The following ERGIC1 variants were observed in gnomAD, a reference collection of about 807,000 sequenced individuals.
ERGIC1 encodes endoplasmic reticulum-Golgi intermediate compartment protein 1.
A neutral mutation model predicts 38.3 loss-of-function variants in ERGIC1; 19 were observed. The observed-to-expected ratio is 0.50, with a 90% CI of 0.35 to 0.73. The LOEUF is 0.73. Ranked by LOEUF, ERGIC1 falls within the 30% of genes least tolerant of loss-of-function variation. The pLI is 0.01. For synonymous variants in ERGIC1, 124 were observed against 157.6 expected (o/e 0.79, Z 1.60); for missense variants, 294 against 389.2 (o/e 0.76, Z 2.06).
At chr5:172,935,533 G>A in intron 9 of ERGIC1, 1 of 538,330 alleles carries the variant, frequency 1.9e-6, no homozygotes. Flanking sequence ...GTATTTTCCA[G>A]AGGGGAATGC....
At chr5:172,914,659 C>G in intron 4 of ERGIC1, 55 bp from the exon 5 acceptor site, 1 of 1,613,472 alleles carries the variant, frequency 6.2e-7, no homozygotes, top group Non-Finnish European at 8.5e-7. Flanking sequence ...CAGGCTGGCC[C>G]CCATCCTCCC....
chr5:172,920,665 C>A, intron 5 of ERGIC1: 1 of 553,942 alleles, frequency 1.8e-6, no homozygotes, highest in Non-Finnish European at 3.2e-6. Flanking sequence ...GTTCCTGAGT[C>A]ACAGCCTCGC....
intron 3 of ERGIC1, among the ~76,000 whole-genome samples, chr5:172,900,398 A>C (rs997657029): frequency 3.3e-5 from 5 of 151,976 alleles, no homozygotes; most frequent in Admixed American, 3.3e-4. Flanking sequence ...GGAGAGGTAC[A>C]AAGCTTAGGG....
intron 3 of ERGIC1, chr5:172,897,882 A>C (rs1762762533): frequency 2.4e-6 from 1 of 413,814 alleles, no homozygotes; most frequent in Non-Finnish European, 4.4e-6. Flanking sequence ...GCAGTGGCTG[A>C]CGCAGAGTTA....
rs372233882 is a variant in ERGIC1 at position 172,875,057 on chromosome 5, C to T, written c.21-13642C>T. Among the ~76,000 whole-genome samples, 32 of 152,174 alleles carry T rather than the reference C, an allele frequency of 2.1e-4. 1 individual carries two copies. The highest frequency in any genetic ancestry group is 7.0e-4 in the African/African-American group (29 of 41,508). Reference sequence around the variant, plus strand: ...CAAAGGCAGAACCTTCCAGGTAGAACGGTAATTCATTCAAGTTCTCCAGCT... The same window carrying T: ...CAAAGGCAGAACCTTCCAGGTAGAATGGTAATTCATTCAAGTTCTCCAGCT... On this transcript the variant is annotated intron_variant, in intron 1 of 9. Coordinates refer to ENST00000393784, the MANE Select transcript of ERGIC1 (RefSeq NM_001031711.3).
At chr5:172,898,988 C>T (rs1364823793) in intron 3 of ERGIC1, among the ~76,000 whole-genome samples, 1 of 152,100 alleles carries the variant, frequency 6.6e-6, no homozygotes, top group Admixed American at 6.5e-5. Context: ...TGCCAGGCAC[C>T]CACTGGCCTC....
At chr5:172,861,609 GC>G (rs1384965315) in intron 1 of ERGIC1, among the ~76,000 whole-genome samples, 1 of 152,202 alleles carries the variant, frequency 6.6e-6, no homozygotes, top group East Asian at 1.9e-4. Flanking sequence ...AAGACGAAAG[GC>G]ATGTTATTTG....
chr5:172,856,072 G>C (rs953133751), intron 1 of ERGIC1, among the ~76,000 whole-genome samples: 1 of 152,254 alleles, frequency 6.6e-6, no homozygotes. Context: ...TGGTGACTCA[G>C]TGTATGGTCT....
chr5:172,874,942 T>C (rs988300776), intron 1 of ERGIC1, among the ~76,000 whole-genome samples: 15 of 144,942 alleles, frequency 1.0e-4, no homozygotes, highest in Non-Finnish European at 1.5e-4. Flanking sequence ...AAAAAAAAAT[T>C]AAAAGAAGAG....
intron 2 of ERGIC1, among the ~76,000 whole-genome samples, chr5:172,895,898 G>T (rs1015211573): frequency 2.6e-5 from 4 of 152,134 alleles, no homozygotes; most frequent in African/African-American, 9.7e-5. Context: ...GAGTGGAGTT[G>T]AGGGCCGGAC....
intron 8 of ERGIC1, chr5:172,934,879 A>G: frequency 5.2e-6 from 2 of 381,212 alleles, no homozygotes; most frequent in East Asian, 5.2e-5. Context: ...GAAGGAGGCA[A>G]TAGCCAAAAA....
chr5:172,897,164 A>T, intron 3 of ERGIC1, 90 bp downstream of exon 3: 1 of 1,252,508 alleles, frequency 8.0e-7, no homozygotes, highest in Non-Finnish European at 1.2e-6. Flanking sequence ...TTTGGTGGCT[A>T]ACACCTGTAA....
intron 1 of ERGIC1, among the ~76,000 whole-genome samples, chr5:172,851,003 C>T (rs1761389726): frequency 6.6e-6 from 1 of 151,650 alleles, no homozygotes; most frequent in Non-Finnish European, 1.5e-5. Flanking sequence ...AGTTCGAGAC[C>T]AGCCTGGCCA....
chr5:172,888,469 A>G (rs529481230), intron 1 of ERGIC1, among the ~76,000 whole-genome samples: 4 of 152,064 alleles, frequency 2.6e-5, no homozygotes, highest in Non-Finnish European at 5.9e-5. Context: ...AAAAAAAAAA[A>G]AGAAATGTTA....
Position 172,893,895 on chromosome 5 carries a change from ATATATATATATG to A in ERGIC1, c.83-3105_83-3094del, listed in dbSNP as rs1254883882. Among the ~76,000 whole-genome samples the A allele has an allele frequency of 5.6e-4, 10 of 17,894 alleles. 1 individual carries two copies. Among genetic ancestry groups the A allele is most frequent in the African/African-American group, 1.0e-3 (10 of 9,816 alleles). 11.7% of individuals were successfully genotyped at this position (17,894 alleles called of 152,430 possible). On this transcript the variant is annotated intron_variant, in intron 2 of 9. Transcript: ENST00000393784. ...TATATATATATATATATATATATAT[ATATATATATATG>A]TGTGTGTGTGTGTGTGTGTGTGTGT... is the stretch of plus-strand genomic sequence containing the variant.
At chr5:172,923,359 G>A (rs1265710954) in intron 5 of ERGIC1, among the ~76,000 whole-genome samples, 2 of 146,932 alleles carry the variant, frequency 1.4e-5, no homozygotes, top group East Asian at 2.1e-4. Context: ...AAGCATCTGG[G>A]AGGAGGAGGG....
chr5:172,932,337 G>A (rs2113467885), intron 7 of ERGIC1, 99 bp from the exon 8 acceptor site: 1 of 1,231,770 alleles, frequency 8.1e-7, no homozygotes, highest in African/African-American at 1.5e-5. Flanking sequence ...TGAGCCCCCT[G>A]CCGTGCCCAG....
At chr5:172,924,205 T>A in intron 6 of ERGIC1, 96 bp downstream of exon 6, 1 of 1,206,908 alleles carries the variant, frequency 8.3e-7, no homozygotes, top group South Asian at 1.3e-5. Context: ...CTAGGAAGAG[T>A]TACCGTTAAG....
chr5:172,865,717 C>G (rs1460842385), intron 1 of ERGIC1, among the ~76,000 whole-genome samples: 1 of 152,220 alleles, frequency 6.6e-6, no homozygotes, highest in African/African-American at 2.4e-5. Flanking sequence ...ATCATATGAT[C>G]TGATCTGTGT....
Sources: allele counts gnomAD v4.1 joint callset (sites outside exome capture counted in the v4.1 genomes callset), GRCh38; gene constraint gnomAD v4.1.1; transcripts MANE v1.5; gene names NCBI Gene and HGNC (gene_info 2026-07-23, HGNC 2026-07-21).